Variants in PLXNA4 observed in about 807,000 individuals in gnomAD.
PLXNA4 encodes the protein plexin-A4.
A neutral mutation model predicts 191.8 loss-of-function variants in PLXNA4; 44 were observed. That is an observed-to-expected ratio of 0.23 (90% CI 0.18 to 0.29). The LOEUF is 0.29. Ranked by LOEUF, PLXNA4 falls within the 10% of genes least tolerant of loss-of-function variation. PLXNA4 has a pLI of 1.00. For missense variants in PLXNA4, 1,800 were observed against 2,488.8 expected, an observed-to-expected ratio of 0.72 and a Z score of 5.89; for synonymous variants, 1,082 against 1,009.5, an observed-to-expected ratio of 1.07 and a Z score of -1.36.
intron 3 of PLXNA4, among the ~76,000 whole-genome samples, chr7:132,457,774 C>A (rs988797819): frequency 6.6e-6 from 1 of 152,138 alleles, no homozygotes; most frequent in Non-Finnish European, 1.5e-5. Context: ...GAGAGGGAGG[C>A]AGTGTGAAGA....
intron 1 of PLXNA4, among the ~76,000 whole-genome samples, chr7:132,533,407 TGTCTCCA>T (rs1799704567): frequency 6.6e-6 from 1 of 152,264 alleles, no homozygotes; most frequent in African/African-American, 2.4e-5. Flanking sequence ...AGAATTAACT[TGTCTCCA>T]GACATCACCT....
intron 3 of PLXNA4, among the ~76,000 whole-genome samples, chr7:132,386,099 A>G (rs1805126178): frequency 1.3e-5 from 2 of 152,032 alleles, no homozygotes; most frequent in Admixed American, 1.3e-4. Flanking sequence ...AGAAGGGGGG[A>G]ATATAAAACC....
intron 12 of PLXNA4, among the ~76,000 whole-genome samples, chr7:132,202,443 C>T (rs989937361): frequency 1.3e-5 from 2 of 152,126 alleles, no homozygotes; most frequent in African/African-American, 4.8e-5. Context: ...ATAGTCGAGC[C>T]CCAAAAAGAG....
chr7:132,545,946 G>T (rs531856726), intron 1 of PLXNA4, among the ~76,000 whole-genome samples: 4 of 152,346 alleles, frequency 2.6e-5, no homozygotes, highest in Non-Finnish European at 5.9e-5. Flanking sequence ...ACCAGCAGTT[G>T]CCAACCAACC....
intron 2 of PLXNA4, among the ~76,000 whole-genome samples, chr7:132,499,055 T>C (rs978168707): frequency 5.3e-5 from 8 of 152,202 alleles, no homozygotes; most frequent in African/African-American, 1.9e-4. Flanking sequence ...AATTGAGCAG[T>C]TTTCCCTGGA....
intron 3 of PLXNA4, among the ~76,000 whole-genome samples, chr7:132,387,443 G>A (rs1462646723): frequency 3.3e-5 from 5 of 152,200 alleles, no homozygotes; most frequent in Non-Finnish European, 5.9e-5. Context: ...GAGCAGAGGG[G>A]GATGTAAAAA....
At chr7:132,548,002 CTGT>C (rs1257785501) in intron 1 of PLXNA4, among the ~76,000 whole-genome samples, 3 of 152,158 alleles carry the variant, frequency 2.0e-5, no homozygotes, top group Non-Finnish European at 4.4e-5. Flanking sequence ...AGATCTAATG[CTGT>C]TGAACAAAAC....
At chr7:132,490,449 A>T (rs1248562396) in intron 2 of PLXNA4, among the ~76,000 whole-genome samples, 1 of 117,308 alleles carries the variant, frequency 8.5e-6, no homozygotes, top group East Asian at 2.5e-4. Context: ...TTTTTGAGAC[A>T]GGGTCTCACT....
At chr7:132,582,686 G>T (rs772244246) in intron 2 of PLXNA4, among the ~76,000 whole-genome samples, 12 of 152,314 alleles carry the variant, frequency 7.9e-5, no homozygotes, top group Admixed American at 2.0e-4. Context: ...GCCTTCAGAA[G>T]TTTCCAACTG....
At chr7:132,242,330 C>A (rs972153446) in intron 4 of PLXNA4, among the ~76,000 whole-genome samples, 1 of 152,048 alleles carries the variant, frequency 6.6e-6, no homozygotes, top group Non-Finnish European at 1.5e-5. Flanking sequence ...CCTGGCTGAA[C>A]CCTCTCTGTT....
At chr7:132,255,615 A>G (rs943687978) in intron 4 of PLXNA4, among the ~76,000 whole-genome samples, 1 of 152,248 alleles carries the variant, frequency 6.6e-6, no homozygotes, top group African/African-American at 2.4e-5. Context: ...AAAAGGAGTC[A>G]GAACTGAAGA....
At chr7:132,384,150 G>A (rs1805017015) in intron 3 of PLXNA4, 2 of 985,250 alleles carry the variant, frequency 2.0e-6, no homozygotes, top group Non-Finnish European at 2.4e-6. Context: ...CCCTCCCACA[G>A]GCCAGGAACC....
intron 1 of PLXNA4, among the ~76,000 whole-genome samples, chr7:132,550,543 C>G (rs1800515825): frequency 6.6e-6 from 1 of 152,204 alleles, no homozygotes; most frequent in Admixed American, 6.5e-5. Context: ...TAAAGAGGAT[C>G]TGAGCACAGC....
At chr7:132,195,043 T>A (rs946792933) in intron 13 of PLXNA4, among the ~76,000 whole-genome samples, 102 of 152,228 alleles carry the variant, frequency 6.7e-4, no homozygotes, top group African/African-American at 2.1e-3. Context: ...TATATTTGCA[T>A]ACATATACAC....
intron 8 of PLXNA4, among the ~76,000 whole-genome samples, chr7:132,224,133 C>T (rs938088487): frequency 6.6e-6 from 1 of 152,160 alleles, no homozygotes; most frequent in African/African-American, 2.4e-5. Flanking sequence ...TTCCCCTTTA[C>T]CCCAGGAAAC....
At chr7:132,448,149 T>C (rs1795983132) in intron 3 of PLXNA4, among the ~76,000 whole-genome samples, 1 of 152,248 alleles carries the variant, frequency 6.6e-6, no homozygotes, top group South Asian at 2.1e-4. Flanking sequence ...GGACTTCCCA[T>C]TCCCAGTGGG....
intron 29 of PLXNA4, 90 bp downstream of exon 29, chr7:132,145,025 CCCTT>C: frequency 6.3e-7 from 1 of 1,577,332 alleles, no homozygotes; most frequent in East Asian, 2.3e-5. Context: ...CTCTGGCCAG[CCCTT>C]CTCCTGGAGG....
chr7:132,613,622 G>A (rs1381006528), intron 2 of PLXNA4, among the ~76,000 whole-genome samples: 1 of 152,140 alleles, frequency 6.6e-6, no homozygotes, highest in Non-Finnish European at 1.5e-5. Flanking sequence ...ACGGGGTGAT[G>A]GAGAAAACTG....
At chr7:132,227,803 A>C (rs1562978925) in intron 6 of PLXNA4, among the ~76,000 whole-genome samples, 199 bp from the exon 7 acceptor site, 1 of 152,212 alleles carries the variant, frequency 6.6e-6, no homozygotes, top group East Asian at 1.9e-4. Flanking sequence ...AAAGAGACAG[A>C]GACAAAAGAA....
Sources: gnomAD v4.1 joint callset for allele counts (sites outside exome capture counted in the v4.1 genomes callset) on GRCh38, gnomAD v4.1.1 for gene constraint, MANE v1.5 for transcripts, NCBI Gene and HGNC (gene_info 2026-07-23, HGNC 2026-07-21) for gene names.